Variants in TMEM132C observed in about 807,000 individuals in gnomAD.
TMEM132C encodes the protein protein phosphatase 1, regulatory subunit 152.
Under a neutral mutation model 61.4 loss-of-function variants are expected in TMEM132C, and 29 were observed. The observed-to-expected ratio is 0.47, with a 90% CI of 0.35 to 0.64. TMEM132C has a LOEUF of 0.64. Among genes scored for constraint, TMEM132C ranks in the 30% least tolerant of loss-of-function variants. The pLI is 0.00. For synonymous variants in TMEM132C, 656 were observed against 633.1 expected (o/e 1.04, Z -0.54); for missense variants, 1,408 against 1,476.9 (o/e 0.95, Z 0.76).
At chr12:128,577,536 G>A (rs1875158329) in intron 3 of TMEM132C, among the ~76,000 whole-genome samples, 1 of 152,190 alleles carries the variant, frequency 6.6e-6, no homozygotes, top group South Asian at 2.1e-4. Flanking sequence ...CTCTGACTGT[G>A]ACAGTGGCTG....
chr12:128,484,873 A>G (rs1470828234), intron 2 of TMEM132C, among the ~76,000 whole-genome samples: 1 of 151,850 alleles, frequency 6.6e-6, no homozygotes, highest in African/African-American at 2.4e-5. Flanking sequence ...CAGGAGGATC[A>G]CTTGAGCCCA....
chr12:128,459,971 G>A (rs922985485), intron 2 of TMEM132C, among the ~76,000 whole-genome samples: 5 of 151,550 alleles, frequency 3.3e-5, no homozygotes, highest in Non-Finnish European at 5.9e-5. Flanking sequence ...TATCCAGCAA[G>A]TGTTGAAATA....
intron 3 of TMEM132C, among the ~76,000 whole-genome samples, chr12:128,589,505 C>T (rs939073723): frequency 2.0e-5 from 3 of 151,604 alleles, no homozygotes; most frequent in African/African-American, 7.3e-5. Flanking sequence ...GCACCTCCCC[C>T]TCCCCACAGC....
chr12:128,487,831 CCA>C (rs1309538404), intron 2 of TMEM132C, among the ~76,000 whole-genome samples: 1 of 152,024 alleles, frequency 6.6e-6, no homozygotes, highest in Non-Finnish European at 1.5e-5. Context: ...AATTTTGTAC[CCA>C]CAGGATCATA....
intron 4 of TMEM132C, among the ~76,000 whole-genome samples, chr12:128,623,666 G>T (rs188589121): frequency 6.6e-6 from 1 of 152,052 alleles, no homozygotes; most frequent in African/African-American, 2.4e-5. Context: ...AAATCAGCCG[G>T]GCGTGATGGC....
At chr12:128,478,459 C>T (rs1447316303) in intron 2 of TMEM132C, among the ~76,000 whole-genome samples, 1 of 152,192 alleles carries the variant, frequency 6.6e-6, no homozygotes, top group Non-Finnish European at 1.5e-5. Context: ...AATTCCTTCC[C>T]TGTGAGTTGG....
At chr12:128,383,018 CTG>C (rs1169475440) in intron 1 of TMEM132C, among the ~76,000 whole-genome samples, 4 of 151,650 alleles carry the variant, frequency 2.6e-5, no homozygotes, top group African/African-American at 9.7e-5. Flanking sequence ...GTCTGTGTAT[CTG>C]TGTGTATGCA....
chr12:128,641,408 G>T (rs923143983), intron 4 of TMEM132C, among the ~76,000 whole-genome samples: 5 of 152,146 alleles, frequency 3.3e-5, no homozygotes, highest in African/African-American at 4.8e-5. Flanking sequence ...GGTCTTTGCC[G>T]AAGTGATTAA....
intron 1 of TMEM132C, among the ~76,000 whole-genome samples, chr12:128,274,384 C>T (rs1870618451): frequency 6.6e-6 from 1 of 152,110 alleles, no homozygotes. Flanking sequence ...GGTGAGTTAT[C>T]ACTTATGGAC....
rs578181677 is a variant in TMEM132C at position 128,441,736 on chromosome 12, A to G, written c.974+26116A>G. 2.1e-4 allele frequency among the ~76,000 whole-genome samples: 32 copies of G among 152,286 alleles called. No homozygotes were observed. In the South Asian group the frequency reaches 6.4e-3, roughly 31 times the overall value. ...TGCTCTTGCCTTCCCTGTGATTTAAATGGCATTAGCCATTTTGGGAGGCCG... is the reference window on the plus strand; with the variant it reads ...TGCTCTTGCCTTCCCTGTGATTTAAGTGGCATTAGCCATTTTGGGAGGCCG... On this transcript the variant is annotated intron_variant, in intron 2 of 8. Transcript: ENST00000435159.
At position 128,562,854 on chromosome 12, in the gene TMEM132C, G is replaced by A. The variant is rs909959104; in HGVS notation, c.1121+18751G>A. Among the ~76,000 whole-genome samples the A allele has an allele frequency of 2.0e-5, 3 of 152,330 alleles. No homozygotes were observed. In the South Asian group the frequency reaches 6.2e-4, roughly 32 times the overall value. On this transcript the variant is annotated intron_variant, in intron 3 of 8. Coordinates refer to ENST00000435159, the MANE Select transcript of TMEM132C (RefSeq NM_001136103.3). The stretch of plus-strand genomic sequence containing the variant: ...CTCTTGTTTGTGTGTTTGAGTTCTT[G>A]TAGCAGCTTCCACTCTGCAAAGGTG...
chr12:128,352,010 AGG>A, intron 1 of TMEM132C, among the ~76,000 whole-genome samples: 1 of 152,144 alleles, frequency 6.6e-6, no homozygotes, highest in South Asian at 2.1e-4. Context: ...TCCTGTCTGA[AGG>A]CTGTCAGGCA....
intron 1 of TMEM132C, among the ~76,000 whole-genome samples, chr12:128,277,182 C>T (rs779480333): frequency 1.3e-5 from 2 of 152,142 alleles, no homozygotes; most frequent in Non-Finnish European, 2.9e-5. Context: ...TGCCAAAACT[C>T]CCAGCTTAAG....
chr12:128,285,981 T>C (rs1404582212), intron 1 of TMEM132C, among the ~76,000 whole-genome samples: 4 of 71,356 alleles, frequency 5.6e-5, no homozygotes, highest in East Asian at 3.8e-4. Flanking sequence ...CTCTCTCCCT[T>C]TCTCTCTTTC....
chr12:128,475,933 C>A (rs1871141476), intron 2 of TMEM132C, among the ~76,000 whole-genome samples: 1 of 152,220 alleles, frequency 6.6e-6, no homozygotes, highest in South Asian at 2.1e-4. Context: ...AGGTGGTTCA[C>A]TGTCCCCCAT....
intron 1 of TMEM132C, among the ~76,000 whole-genome samples, chr12:128,413,218 G>A (rs1211261738): frequency 1.4e-5 from 2 of 140,502 alleles, no homozygotes; most frequent in African/African-American, 5.2e-5. Context: ...AGAATGGTGT[G>A]AACCCGGGAG....
chr12:128,616,375 A>C, intron 4 of TMEM132C, 40 bp downstream of exon 4: 1 of 1,503,644 alleles, frequency 6.7e-7, no homozygotes. Context: ...GCATTCAGCC[A>C]CCTGACTGCA....
At chr12:128,554,737 G>A (rs1054303212) in intron 3 of TMEM132C, among the ~76,000 whole-genome samples, 7 of 152,092 alleles carry the variant, frequency 4.6e-5, no homozygotes, top group African/African-American at 9.7e-5. Context: ...TTCACCACAC[G>A]AGCCCTCCTA....
At chr12:128,436,315 A>G (rs1396279287) in intron 2 of TMEM132C, among the ~76,000 whole-genome samples, 1 of 152,234 alleles carries the variant, frequency 6.6e-6, no homozygotes, top group Admixed American at 6.5e-5. Context: ...TAATTAAACT[A>G]AAGAGCTTCT....
Sources: gnomAD v4.1 joint callset for allele counts (sites outside exome capture counted in the v4.1 genomes callset) on GRCh38, gnomAD v4.1.1 for gene constraint, MANE v1.5 for transcripts, NCBI Gene and HGNC (gene_info 2026-07-23, HGNC 2026-07-21) for gene names.